SPPL2A: variants seen among roughly 807,000 people sequenced by gnomAD.
SPPL2A encodes signal peptide peptidase like 2A.
In SPPL2A, 51 loss-of-function variants were observed where a neutral mutation model predicts 63.8. The ratio of observed to expected loss-of-function variants is 0.80; its 90% CI spans 0.64 to 1.01. The LOEUF (loss-of-function observed/expected upper bound fraction) is 1.01, where lower values mean the gene tolerates loss of function less well. SPPL2A is among the 50% of genes least tolerant of loss of function. The pLI is 0.00. For missense variants in SPPL2A, 553 were observed against 622.7 expected, an observed-to-expected ratio of 0.89 and a Z score of 1.19; for synonymous variants, 188 against 205.8, an observed-to-expected ratio of 0.91 and a Z score of 0.74.
intron 14 of SPPL2A, among the ~76,000 whole-genome samples, chr15:50,708,115 C>T (rs1000328877): frequency 3.3e-5 from 5 of 152,148 alleles, no homozygotes; most frequent in Admixed American, 2.0e-4. Context: ...CTGGATCTTC[C>T]GTTATCTCCA....
At position 50,707,861 on chromosome 15, in the gene SPPL2A, A is replaced by G; in HGVS notation, c.1502T>C (p.Leu501Ser). Residue 501 changes from leucine to serine, a missense_variant, in exon 15 of 15, where the codon TTG (leucine) becomes TCG (serine). Transcript: ENST00000261854. ...GTTTTCTTCATTTGTTGCACAATCC[A>G]AATGGTCCATCATCTAGGCATAAAT... ...KGNSYQMMDH[L>S]DCATNEENPV... is the part of the protein sequence containing the mutation. 1 of 1,591,964 alleles carries G rather than the reference A, an allele frequency of 6.3e-7. No homozygotes were observed. Among genetic ancestry groups the G allele is most frequent in the Non-Finnish European group, 8.6e-7 (1 of 1,159,786 alleles).
intron 10 of SPPL2A, among the ~76,000 whole-genome samples, chr15:50,728,760 A>C (rs2141032481): frequency 6.6e-6 from 1 of 150,712 alleles, no homozygotes; most frequent in South Asian, 2.1e-4. Context: ...TTCCCACCTC[A>C]GTCTCCCGAG....
intron 14 of SPPL2A, among the ~76,000 whole-genome samples, chr15:50,710,229 C>G (rs538322162): frequency 6.6e-6 from 1 of 152,188 alleles, no homozygotes; most frequent in South Asian, 2.1e-4. Context: ...AAATGATAGC[C>G]CACATACCCT....
At chr15:50,751,885 T>C (rs911120419) in intron 1 of SPPL2A, among the ~76,000 whole-genome samples, 1 of 152,116 alleles carries the variant, frequency 6.6e-6, no homozygotes, top group South Asian at 2.1e-4. Context: ...TGGAGTGCAA[T>C]GAATGGCATG....
At chr15:50,709,146 T>C (rs142850848) in intron 14 of SPPL2A, among the ~76,000 whole-genome samples, 42 of 152,264 alleles carry the variant, frequency 2.8e-4, no homozygotes, top group African/African-American at 9.6e-4. Flanking sequence ...ATGAAGAAAC[T>C]GTTTAAATGC....
intron 14 of SPPL2A, among the ~76,000 whole-genome samples, chr15:50,714,770 C>T (rs984526013): frequency 6.6e-6 from 1 of 151,794 alleles, no homozygotes; most frequent in Non-Finnish European, 1.5e-5. Flanking sequence ...TGGCGAAATA[C>T]TGTCTCTAGT....
rs1455207116 is a variant in SPPL2A at position 50,725,330 on chromosome 15, A to G, written c.1147-7T>C. On this transcript the variant is annotated splice_region_variant and splice_polypyrimidine_tract_variant and intron_variant, in intron 11 of 14. Coordinates refer to ENST00000261854, the MANE Select transcript of SPPL2A (RefSeq NM_032802.4). ...CTCTGATGACTACTGGCAACTGTTC[A>G]AAAACAAAACAAAACAAAACAAAAC... 2 of 1,241,620 alleles carry G rather than the reference A, an allele frequency of 1.6e-6. No homozygotes were observed. The highest frequency in any genetic ancestry group is 2.3e-6 in the Non-Finnish European group (2 of 868,022). 76.9% of individuals were successfully genotyped at this position (1,241,620 alleles called of 1,614,324 possible).
chr15:50,765,373 G>A, intron 1 of SPPL2A, 95 bp downstream of exon 1: 2 of 938,050 alleles, frequency 2.1e-6, no homozygotes, highest in Non-Finnish European at 3.0e-6. Flanking sequence ...GCGGGCAGAG[G>A]GGAGGCCGGG....
chr15:50,746,659 ATT>A (rs1181636414), intron 5 of SPPL2A: 2 of 108,562 alleles, frequency 1.8e-5, no homozygotes, highest in Admixed American at 9.8e-5. Context: ...TATATTAATT[ATT>A]TACTTTTTTT....
intron 3 of SPPL2A, 37 bp from the exon 4 acceptor site, chr15:50,748,239 TAATA>T: frequency 1.3e-6 from 1 of 747,648 alleles, no homozygotes; most frequent in Non-Finnish European, 2.1e-6. Flanking sequence ...TATTTACTAC[TAATA>T]TATTTATAGA....
At position 50,703,631 on chromosome 15, in the gene SPPL2A, G is replaced by C. The variant is rs1056830464; in HGVS notation, c.*4169C>G. 5 of 151,428 alleles carry C rather than the reference G, an allele frequency of 3.3e-5. No homozygotes were observed. Among genetic ancestry groups the C allele is most frequent in the African/African-American group, 7.3e-5 (3 of 41,214 alleles). 9.4% of individuals were successfully genotyped at this position (151,428 alleles called of 1,614,324 possible). ...CCGCCTTGGCCTCCCAAAGTGCTGG[G>C]ATTACAGGTGTGAGCCACCGCACCC... On this transcript the variant is annotated 3_prime_UTR_variant, in exon 15 of 15. Transcript: ENST00000261854.
intron 1 of SPPL2A, among the ~76,000 whole-genome samples, chr15:50,757,243 C>T (rs959041883): frequency 7.2e-5 from 11 of 152,032 alleles, no homozygotes; most frequent in African/African-American, 2.7e-4. Context: ...CCACTGCGCC[C>T]GGCTAATTTT....
At chr15:50,715,835 T>C (rs1275294005) in intron 14 of SPPL2A, among the ~76,000 whole-genome samples, 1 of 152,188 alleles carries the variant, frequency 6.6e-6, no homozygotes, top group African/African-American at 2.4e-5. Context: ...AGAATTACTA[T>C]AATGAACATC....
chr15:50,720,307 T>C (rs1485628826), intron 13 of SPPL2A, among the ~76,000 whole-genome samples: 1 of 152,192 alleles, frequency 6.6e-6, no homozygotes, highest in Non-Finnish European at 1.5e-5. Flanking sequence ...AGCATTTCAA[T>C]TATTACTAAC....
chr15:50,740,364 T>C (rs558953981), intron 5 of SPPL2A, among the ~76,000 whole-genome samples: 2 of 147,254 alleles, frequency 1.4e-5, no homozygotes, highest in East Asian at 2.0e-4. Flanking sequence ...GAGGCGGAGG[T>C]TGTGGTGACC....
intron 1 of SPPL2A, among the ~76,000 whole-genome samples, chr15:50,753,521 T>C (rs907879293): frequency 1.3e-5 from 2 of 152,356 alleles, no homozygotes; most frequent in Admixed American, 6.5e-5. Context: ...TTACTGGTTA[T>C]GTTACAAGTT....
At chr15:50,758,321 A>G (rs1596400488) in intron 1 of SPPL2A, among the ~76,000 whole-genome samples, 1 of 151,180 alleles carries the variant, frequency 6.6e-6, no homozygotes, top group East Asian at 2.0e-4. Context: ...TAATGTTTAA[A>G]TATATCTTAA....
chr15:50,734,638 A>AC (rs2062756357), intron 8 of SPPL2A, among the ~76,000 whole-genome samples: 1 of 152,148 alleles, frequency 6.6e-6, no homozygotes, highest in Non-Finnish European at 1.5e-5. Flanking sequence ...ACAGTTAATA[A>AC]CTTATTGTAT....
At chr15:50,728,481 C>A (rs935163405) in intron 10 of SPPL2A, among the ~76,000 whole-genome samples, 4 of 150,734 alleles carry the variant, frequency 2.7e-5, no homozygotes, top group Non-Finnish European at 4.4e-5. Flanking sequence ...GTAGCTGGGA[C>A]TACAGGTGCC....
Sources: allele counts gnomAD v4.1 joint callset (sites outside exome capture counted in the v4.1 genomes callset), GRCh38; gene constraint gnomAD v4.1.1; transcripts MANE v1.5; gene names NCBI Gene and HGNC (gene_info 2026-07-23, HGNC 2026-07-21).